The following ADAMTS2 variants were observed in gnomAD, a reference collection of about 807,000 sequenced individuals.
The protein encoded by ADAMTS2 is ADAM metallopeptidase with thrombospondin type 1 motif 2.
ADAMTS2 carries 50 observed loss-of-function variants against 123.0 expected under a neutral mutation model. That is an observed-to-expected ratio of 0.41 (90% CI 0.32 to 0.51). The LOEUF is 0.51. ADAMTS2 is among the 20% of genes least tolerant of loss of function. The pLI is 0.35. For synonymous variants in ADAMTS2, 678 were observed against 695.4 expected (o/e 0.98, Z 0.39); for missense variants, 1,494 against 1,705.2 (o/e 0.88, Z 2.18).
chr5:179,157,234 G>A (rs1303479761), intron 6 of ADAMTS2, among the ~76,000 whole-genome samples: 1 of 152,138 alleles, frequency 6.6e-6, no homozygotes, highest in Non-Finnish European at 1.5e-5. Context: ...ACAGGAGTGA[G>A]CCACCACACC....
intron 3 of ADAMTS2, among the ~76,000 whole-genome samples, chr5:179,216,505 C>T (rs1764984262): frequency 3.3e-5 from 5 of 152,106 alleles, no homozygotes; most frequent in South Asian, 4.1e-4. Context: ...ACCGTATTTC[C>T]GCTGCAGGTC....
chr5:179,340,738 G>A (rs777129749), intron 2 of ADAMTS2, among the ~76,000 whole-genome samples: 3 of 152,112 alleles, frequency 2.0e-5, no homozygotes, highest in Non-Finnish European at 2.9e-5. Context: ...GGCACAGGGG[G>A]CTCAGCTGAG....
intron 2 of ADAMTS2, among the ~76,000 whole-genome samples, chr5:179,320,298 C>G (rs1019851877): frequency 5.3e-5 from 8 of 152,118 alleles, no homozygotes; most frequent in Non-Finnish European, 1.0e-4. Context: ...CTGGAGTCCA[C>G]CCTCCTCCAT....
intron 2 of ADAMTS2, among the ~76,000 whole-genome samples, chr5:179,302,617 G>A (rs1017629536): frequency 6.6e-6 from 1 of 151,834 alleles, no homozygotes; most frequent in Admixed American, 6.6e-5. Context: ...GTGGCTGAAT[G>A]CAGACCCTGG....
chr5:179,131,953 C>T (rs990065749), intron 15 of ADAMTS2, among the ~76,000 whole-genome samples: 1 of 152,188 alleles, frequency 6.6e-6, no homozygotes, highest in Non-Finnish European at 1.5e-5. Flanking sequence ...AGGGAGTCAT[C>T]CTGTAGACTG....
At chr5:179,274,749 G>A (rs1245429738) in intron 2 of ADAMTS2, among the ~76,000 whole-genome samples, 2 of 152,220 alleles carry the variant, frequency 1.3e-5, no homozygotes, top group Non-Finnish European at 2.9e-5. Context: ...CAAGTGTAGC[G>A]AGGGAGGCTG....
rs955227131 is a variant in ADAMTS2 at position 179,308,555 on chromosome 5, AT to A, written c.534+35211del. ...GCAGGCCCCCATAATAGACAGCCTC[AT>A]TTTTTTTTTCTAGGCAAAACTTTGG... On this transcript the variant is annotated intron_variant, in intron 2 of 21. Transcript: ENST00000251582. The surrounding 1 kb of genome is among the most constrained non-coding windows in gnomAD (Gnocchi z 6.6). Among the ~76,000 whole-genome samples the A allele has an allele frequency of 1.0e-4, 15 of 149,448 alleles. No homozygotes were observed. Among genetic ancestry groups the A allele is most frequent in the African/African-American group, 1.7e-4 (7 of 40,792 alleles).
At chr5:179,299,453 C>T (rs1353852400) in intron 2 of ADAMTS2, among the ~76,000 whole-genome samples, 17 of 138,666 alleles carry the variant, frequency 1.2e-4, no homozygotes, top group African/African-American at 3.0e-4. Context: ...GGTGTGAACC[C>T]AGGAGGCGGA....
At chr5:179,233,497 C>A (rs1407345654) in intron 3 of ADAMTS2, among the ~76,000 whole-genome samples, 1 of 152,186 alleles carries the variant, frequency 6.6e-6, no homozygotes, top group Non-Finnish European at 1.5e-5. Context: ...ACCAGCCTGG[C>A]CAACATGGCA....
At chr5:179,157,305 T>A (rs1472068213) in intron 6 of ADAMTS2, among the ~76,000 whole-genome samples, 1 of 152,118 alleles carries the variant, frequency 6.6e-6, no homozygotes, top group Non-Finnish European at 1.5e-5. Context: ...CTGTGTCGGT[T>A]TCCCCTCCTA....
At position 179,162,223 on chromosome 5, in the gene ADAMTS2, T is replaced by C. The variant is rs1763604869; in HGVS notation, c.976-3344A>G. On this transcript the variant is annotated intron_variant, in intron 5 of 21. Transcript: ENST00000251582. This position sits in a 1 kb window ranked among gnomAD's most constrained non-coding sequence, Gnocchi z 5.1. Reference sequence around the variant, plus strand: ...TGTTTCCCTTTCGTGAAACTTCCCCTCCTTTAATCTGAGTCAGACCCCAGG... The same window carrying C: ...TGTTTCCCTTTCGTGAAACTTCCCCCCCTTTAATCTGAGTCAGACCCCAGG... Among the ~76,000 whole-genome samples, 1 of 152,108 alleles carries C rather than the reference T, an allele frequency of 6.6e-6. No homozygotes were observed. Among genetic ancestry groups the C allele is most frequent in the African/African-American group, 2.4e-5 (1 of 41,424 alleles).
chr5:179,218,706 C>A (rs1765057834), intron 3 of ADAMTS2, among the ~76,000 whole-genome samples: 1 of 152,220 alleles, frequency 6.6e-6, no homozygotes, highest in African/African-American at 2.4e-5. Flanking sequence ...TGTGCCGAAT[C>A]TCAGGGGCAG....
chr5:179,160,407 C>T (rs1243444624), intron 5 of ADAMTS2, among the ~76,000 whole-genome samples: 1 of 152,146 alleles, frequency 6.6e-6, no homozygotes, highest in Admixed American at 6.5e-5. Flanking sequence ...GCTGAGATCA[C>T]GCCACTGCAC....
intron 19 of ADAMTS2, among the ~76,000 whole-genome samples, chr5:179,123,382 C>T (rs558948523): frequency 4.6e-5 from 7 of 152,360 alleles, no homozygotes; most frequent in African/African-American, 1.4e-4. Context: ...AAAGCCTGCA[C>T]ATTCCCAACA....
intron 2 of ADAMTS2, among the ~76,000 whole-genome samples, chr5:179,320,361 G>A (rs1757131086): frequency 6.6e-6 from 1 of 152,148 alleles, no homozygotes; most frequent in Non-Finnish European, 1.5e-5. Flanking sequence ...AGGCTGGAGT[G>A]CAGTGGCACG....
At chr5:179,265,057 C>A (rs946177899) in intron 3 of ADAMTS2, among the ~76,000 whole-genome samples, 2 of 152,246 alleles carry the variant, frequency 1.3e-5, no homozygotes, top group Non-Finnish European at 2.9e-5. Context: ...GAACCCTGCA[C>A]CAAACTGCCC....
intron 3 of ADAMTS2, among the ~76,000 whole-genome samples, chr5:179,229,452 C>G (rs1288324565): frequency 1.9e-5 from 2 of 107,496 alleles, no homozygotes; most frequent in Non-Finnish European, 3.8e-5. Context: ...ATTCCACAAA[C>G]ACGAGACCCT....
At position 179,110,967 on chromosome 5, in the gene ADAMTS2, T is replaced by C. The variant is rs1415723556; in HGVS notation, c.*2900A>G. 6.6e-6 allele frequency: 1 copy of C among 152,234 alleles called. No homozygotes were observed. The highest frequency in any genetic ancestry group is 1.5e-5 in the Non-Finnish European group (1 of 68,040). The allele number at this position is 152,234 out of a possible 1,614,324, so 9.4% of individuals were successfully genotyped here. ...GTTGTATCGGTAAGCCAGAATTTTG[T>C]GATTTGAGTTCAGCACCTTGATTCA... On this transcript the variant is annotated 3_prime_UTR_variant, in exon 22 of 22. Transcript: ENST00000251582.
chr5:179,187,006 C>T (rs555828279), intron 4 of ADAMTS2, among the ~76,000 whole-genome samples: 165 of 152,250 alleles, frequency 1.1e-3, no homozygotes, highest in African/African-American at 3.9e-3. Flanking sequence ...CCCTGGCTGG[C>T]TTCTCCATGC....
Sources: gnomAD v4.1 joint callset for allele counts (sites outside exome capture counted in the v4.1 genomes callset) on GRCh38, gnomAD v4.1.1 for gene constraint, Gnocchi (gnomAD v3.1) non-coding constraint, MANE v1.5 for transcripts, NCBI Gene and HGNC (gene_info 2026-07-23, HGNC 2026-07-21) for gene names.